Variants in SFSWAP observed in about 807,000 individuals in gnomAD.
SFSWAP encodes the protein splicing factor SWAP, also known as splicing factor, suppressor of white-apricot homolog.
SFSWAP carries 17 observed loss-of-function variants against 100.7 expected under a neutral mutation model. The observed-to-expected ratio is 0.17, with a 90% CI of 0.12 to 0.25. The LOEUF is 0.25. Among genes scored for constraint, SFSWAP ranks in the 10% least tolerant of loss-of-function variants. SFSWAP has a pLI of 1.00. For missense variants in SFSWAP, 1,005 were observed against 1,262.6 expected (o/e 0.80, Z 3.09); for synonymous variants, 504 against 510.1 (o/e 0.99, Z 0.16).
intron 7 of SFSWAP, among the ~76,000 whole-genome samples, chr12:131,736,414 A>AG (rs1566016177): frequency 6.6e-6 from 1 of 151,008 alleles, no homozygotes; most frequent in African/African-American, 2.4e-5. Context: ...AAATGAGGGG[A>AG]AAAAAAAAGC....
chr12:131,753,196 C>T lies in SFSWAP; in HGVS notation c.1155C>T (p.Pro385=), dbSNP rs762809272. The change falls in exon 8 of 18, where the codon CCC becomes CCT. Residue 385 remains proline (P), a synonymous_variant. Coordinates refer to ENST00000261674, the MANE Select transcript of SFSWAP (RefSeq NM_004592.4). ...CTTACTGCCTGGCGCCGCCCCCTCCCGGAATCGACGTGACTACTTACTACA... is the reference window on the plus strand; with the variant it reads ...CTTACTGCCTGGCGCCGCCCCCTCCTGGAATCGACGTGACTACTTACTACA... The part of the protein sequence containing the change: ...DGTYCLAPPP[P]GIDVTTYYST... The T allele has an allele frequency of 6.7e-5, 108 of 1,614,086 alleles. No individual in the cohort carries two copies. In the South Asian group the frequency reaches 8.7e-4, roughly 13 times the overall value.
Position 131,755,403 on chromosome 12 carries a change from C to G in SFSWAP, c.1472C>G (p.Pro491Arg), listed in dbSNP as rs755049319. The stretch of plus-strand genomic sequence containing the variant: ...CTGCTCAGATTTGAGTTCCTGCAGC[C>G]GTGGCACCAGTATAATGCTTATTAT... ...KNDQRFEFLQ[P>R]WHQYNAYYEF... Residue 491 changes from proline to arginine, a missense_variant, in exon 10 of 18, where the codon CCG becomes CGG. Coordinates refer to ENST00000261674, the MANE Select transcript of SFSWAP (RefSeq NM_004592.4). The G allele has an allele frequency of 1.2e-6, 2 of 1,613,562 alleles. No individual in the cohort carries two copies. Among genetic ancestry groups the G allele is most frequent in the African/African-American group, 1.3e-5 (1 of 74,984 alleles).
intron 7 of SFSWAP, among the ~76,000 whole-genome samples, chr12:131,748,872 T>C (rs1281456672): frequency 1.3e-5 from 2 of 152,248 alleles, no homozygotes; most frequent in African/African-American, 4.8e-5. Context: ...TTCGTAGTAC[T>C]CATAGCGTTT....
rs755130097 is a variant in SFSWAP at position 131,755,509 on chromosome 12, A to G, written c.1548+30A>G. 10 of 1,524,170 alleles carry G rather than the reference A, an allele frequency of 6.6e-6. No homozygotes were observed. The South Asian group carries it at 1.0e-4, about 15-fold the overall frequency. 94.4% of individuals were successfully genotyped at this position (1,524,170 alleles called of 1,614,324 possible). A position where few individuals can be genotyped will look rare whatever the true frequency, so the allele number is the denominator to read the frequency against. On this transcript the variant is annotated intron_variant, in intron 10 of 17. Transcript: ENST00000261674. ...GTGTCTGAATGCAGGGAGGCTGTGA[A>G]GCTCTTAGAGGTGGCTCCGCCTTCC...
At chr12:131,728,525 T>C in intron 7 of SFSWAP, 97 bp downstream of exon 7, 1 of 1,370,784 alleles carries the variant, frequency 7.3e-7, no homozygotes. Flanking sequence ...CCTCCAAGTG[T>C]AACAAGTATG....
At position 131,719,687 on chromosome 12, in the gene SFSWAP, C is replaced by T. The variant is rs910683936; in HGVS notation, c.606+148C>T. ...TGTGAGTTAATGGAGAAAAAGATCA[C>T]ACCCTATTTATTTTCCCCAAAGGAA... On this transcript the variant is annotated intron_variant, in intron 4 of 17. Coordinates refer to ENST00000261674, the MANE Select transcript of SFSWAP (RefSeq NM_004592.4). The T allele has an allele frequency of 1.4e-5, 9 of 654,038 alleles. No homozygotes were observed. The African/African-American group carries it at 1.5e-4, about 11-fold the overall frequency. The allele number at this position is 654,038 out of a possible 1,614,324, so 40.5% of individuals were successfully genotyped here.
intron 11 of SFSWAP, among the ~76,000 whole-genome samples, chr12:131,761,818 T>C (rs890670388): frequency 3.9e-5 from 6 of 152,182 alleles, no homozygotes; most frequent in Non-Finnish European, 8.8e-5. Flanking sequence ...CTTTTCAGCC[T>C]CGGTTTTCCC....
At chr12:131,746,973 G>C (rs895291173) in intron 7 of SFSWAP, among the ~76,000 whole-genome samples, 4 of 152,024 alleles carry the variant, frequency 2.6e-5, no homozygotes, top group African/African-American at 4.8e-5. Flanking sequence ...GTGTGGTGGC[G>C]GGTGCCTGTA....
chr12:131,767,207 G>A (rs1003582529), intron 13 of SFSWAP, among the ~76,000 whole-genome samples: 1 of 152,260 alleles, frequency 6.6e-6, no homozygotes, highest in Middle Eastern at 3.4e-3. Context: ...GCTCCCATGC[G>A]TGTCCGAGAC....
Position 131,730,897 on chromosome 12 carries a change from CAT to C in SFSWAP, c.1081+2470_1081+2471del, listed in dbSNP as rs748163703. 4.6e-5 allele frequency among the ~76,000 whole-genome samples: 7 copies of C among 152,188 alleles called. No homozygotes were observed. Among genetic ancestry groups the C allele is most frequent in the Non-Finnish European group, 1.0e-4 (7 of 68,038 alleles). On this transcript the variant is annotated intron_variant, in intron 7 of 17. Coordinates refer to ENST00000261674, the MANE Select transcript of SFSWAP (RefSeq NM_004592.4). The surrounding 1 kb of genome is among the most constrained non-coding windows in gnomAD (Gnocchi z 4.0). ...ACACAGCAAGAGTAGTGGATACACA[CAT>C]GTGAGAGTAAGGGTGCCTGGGGGCT...
At chr12:131,766,834 G>C (rs551187801) in intron 13 of SFSWAP, among the ~76,000 whole-genome samples, 1 of 152,364 alleles carries the variant, frequency 6.6e-6, no homozygotes, top group African/African-American at 2.4e-5. Context: ...CTTACATGGG[G>C]GTCATCACGT....
chr12:131,719,612 T>G, intron 4 of SFSWAP, 73 bp downstream of exon 4: 1 of 1,204,066 alleles, frequency 8.3e-7, no homozygotes, highest in Non-Finnish European at 1.2e-6. Flanking sequence ...GTGGGAAAGC[T>G]CAATAATGAT....
Position 131,766,359 on chromosome 12 carries a change from G to T in SFSWAP, c.2142+51G>T, listed in dbSNP as rs770708437. Reference sequence around the variant, plus strand: ...CTGCGGGGCTGTGTGATACATAGAGGCAGGGAGGATGTGTCTCCCTCCAGC... The same window carrying T: ...CTGCGGGGCTGTGTGATACATAGAGTCAGGGAGGATGTGTCTCCCTCCAGC... On this transcript the variant is annotated intron_variant, in intron 13 of 17. Transcript: ENST00000261674. The T allele has an allele frequency of 4.5e-6, 7 of 1,540,642 alleles. No homozygotes were observed. In the South Asian group the frequency reaches 6.8e-5, roughly 15 times the overall value.
chr12:131,769,081 T>G (rs1214512044), intron 13 of SFSWAP, among the ~76,000 whole-genome samples: 1 of 151,390 alleles, frequency 6.6e-6, no homozygotes, highest in African/African-American at 2.4e-5. Context: ...GAGCCAAGAC[T>G]GCACCACTGT....
intron 7 of SFSWAP, among the ~76,000 whole-genome samples, chr12:131,739,167 T>C (rs952281522): frequency 6.6e-5 from 10 of 152,162 alleles, no homozygotes; most frequent in Non-Finnish European, 1.2e-4. Flanking sequence ...CATGAGCCAC[T>C]GTGCCCTGCC....
chr12:131,797,060 T>C, intron 15 of SFSWAP, 118 bp from the exon 16 acceptor site: 1 of 820,774 alleles, frequency 1.2e-6, no homozygotes, highest in Non-Finnish European at 2.0e-6. Flanking sequence ...AGTGGTTCCG[T>C]CCCTGAATTG....
At chr12:131,780,472 TGAAAACCTA>T (rs1854283549) in intron 14 of SFSWAP, among the ~76,000 whole-genome samples, 1 of 152,180 alleles carries the variant, frequency 6.6e-6, no homozygotes, top group South Asian at 2.1e-4. Context: ...GGCAACATAG[TGAAAACCTA>T]TCTCTACAAA....
intron 7 of SFSWAP, among the ~76,000 whole-genome samples, chr12:131,742,925 G>A (rs1880787235): frequency 6.6e-6 from 1 of 152,186 alleles, no homozygotes; most frequent in Admixed American, 6.5e-5. Context: ...AGAAGGCAAG[G>A]AGGAGCAAGT....
At chr12:131,775,452 T>G (rs899805632) in intron 13 of SFSWAP, among the ~76,000 whole-genome samples, 4 of 152,168 alleles carry the variant, frequency 2.6e-5, no homozygotes, top group Non-Finnish European at 5.9e-5. Flanking sequence ...GTGCTCCTGA[T>G]GTAGAGGCCG....
Sources: allele counts gnomAD v4.1 joint callset (sites outside exome capture counted in the v4.1 genomes callset), GRCh38; gene constraint gnomAD v4.1.1; non-coding constraint Gnocchi (gnomAD v3.1); transcripts MANE v1.5; gene names NCBI Gene and HGNC (gene_info 2026-07-23, HGNC 2026-07-21).